The following KIAA1958 variants were observed in gnomAD, a reference collection of about 807,000 sequenced individuals.
The protein encoded by KIAA1958 is KIAA1958.
KIAA1958 carries 14 observed loss-of-function variants against 47.2 expected under a neutral mutation model. That is an observed-to-expected ratio of 0.30 (90% CI 0.20 to 0.46). KIAA1958 has a LOEUF of 0.46. Ranked by LOEUF, KIAA1958 falls within the 20% of genes least tolerant of loss-of-function variation. The probability of loss-of-function intolerance (pLI) is 1.00; values close to 1 mark genes in which losing one functional copy is unlikely to be tolerated. For missense variants in KIAA1958, 803 were observed against 909.2 expected, an observed-to-expected ratio of 0.88 and a Z score of 1.50; for synonymous variants, 354 against 353.3, an observed-to-expected ratio of 1.00 and a Z score of -0.02.
At position 112,618,599 on chromosome 9, in the gene KIAA1958, G is replaced by A. The variant is rs1836446002; in HGVS notation, c.1172-27051G>A. On this transcript the variant is annotated intron_variant, in intron 2 of 3. Coordinates refer to ENST00000337530, the MANE Select transcript of KIAA1958 (RefSeq NM_133465.4). The surrounding 1 kb of genome is among the most constrained non-coding windows in gnomAD (Gnocchi z 7.1). ...GCGGCGGCCTCCCGCCATGCGCTAC[G>A]AGGATGCCCCTTTCTACTTATCCAT... The A allele has an allele frequency of 3.2e-6, 5 of 1,550,652 alleles. No homozygotes were observed. The highest frequency in any genetic ancestry group is 4.4e-6 in the Non-Finnish European group (5 of 1,146,996).
chr9:112,586,511 T>C (rs1383900955), intron 2 of KIAA1958, among the ~76,000 whole-genome samples: 1 of 152,224 alleles, frequency 6.6e-6, no homozygotes, highest in Non-Finnish European at 1.5e-5. Context: ...TTTAAAATGC[T>C]TGCAAATCCT....
chr9:112,640,113 A>G (rs1190737619), intron 2 of KIAA1958, among the ~76,000 whole-genome samples: 2 of 152,206 alleles, frequency 1.3e-5, no homozygotes, highest in South Asian at 2.1e-4. Flanking sequence ...TTAACTTGCT[A>G]TTGAATGCTG....
At chr9:112,649,848 A>T (rs1425356409) in intron 3 of KIAA1958, among the ~76,000 whole-genome samples, 2 of 152,174 alleles carry the variant, frequency 1.3e-5, no homozygotes, top group African/African-American at 4.8e-5. Context: ...GAAAAATGTT[A>T]AAGGAAGTCC....
chr9:112,542,496 ACTACT>A (rs1216629032), intron 1 of KIAA1958, among the ~76,000 whole-genome samples: 19 of 152,230 alleles, frequency 1.2e-4, no homozygotes, highest in Non-Finnish European at 1.9e-4. Context: ...TGAAGACTAA[ACTACT>A]CTACAACTCT....
chr9:112,509,097 T>G (rs1486838745), intron 1 of KIAA1958, among the ~76,000 whole-genome samples: 3 of 152,052 alleles, frequency 2.0e-5, no homozygotes, highest in Non-Finnish European at 2.9e-5. Context: ...TTTTTTTTTT[T>G]GTCAGTGTTA....
chr9:112,591,777 T>C (rs60925342), intron 2 of KIAA1958, among the ~76,000 whole-genome samples: 17,942 of 152,196 alleles, frequency 0.12, 1,428 homozygotes, highest in East Asian at 0.19. Flanking sequence ...CCTGTGGTCC[T>C]AGCTTCTTTG....
chr9:112,582,823 A>T (rs998151430), intron 2 of KIAA1958, among the ~76,000 whole-genome samples: 1 of 152,002 alleles, frequency 6.6e-6, no homozygotes, highest in Admixed American at 6.6e-5. Context: ...CATGCTTCCT[A>T]TGAAGGGCGG....
chr9:112,509,382 A>G (rs1834286299), intron 1 of KIAA1958, among the ~76,000 whole-genome samples: 1 of 151,814 alleles, frequency 6.6e-6, no homozygotes, highest in Admixed American at 6.6e-5. Context: ...TGTATTTTTA[A>G]TAGAGGTGGG....
intron 2 of KIAA1958, among the ~76,000 whole-genome samples, chr9:112,632,927 AAAAG>A (rs752930053): frequency 2.6e-5 from 4 of 151,750 alleles, no homozygotes; most frequent in South Asian, 2.1e-4. Context: ...TTTTTTTAAA[AAAAG>A]AGCCATTTAG....
intron 1 of KIAA1958, among the ~76,000 whole-genome samples, chr9:112,504,310 C>T (rs1331097073): frequency 6.6e-6 from 1 of 151,990 alleles, no homozygotes; most frequent in East Asian, 1.9e-4. Flanking sequence ...CCTCAGCCTC[C>T]CGAGTAGCTG....
intron 1 of KIAA1958, among the ~76,000 whole-genome samples, chr9:112,572,545 G>T (rs1226622495): frequency 6.6e-6 from 1 of 152,166 alleles, no homozygotes; most frequent in Non-Finnish European, 1.5e-5. Flanking sequence ...AATCCCTTGA[G>T]ATGATACAGG....
intron 2 of KIAA1958, among the ~76,000 whole-genome samples, chr9:112,638,118 C>A (rs1173390118): frequency 1.3e-5 from 2 of 152,140 alleles, no homozygotes; most frequent in African/African-American, 2.4e-5. Context: ...CACTGCACTC[C>A]AGCCTGGGCA....
At chr9:112,564,716 A>G (rs1835398585) in intron 1 of KIAA1958, among the ~76,000 whole-genome samples, 1 of 152,242 alleles carries the variant, frequency 6.6e-6, no homozygotes, top group African/African-American at 2.4e-5. Flanking sequence ...ATAAATCAAA[A>G]TGTACTTACA....
intron 1 of KIAA1958, among the ~76,000 whole-genome samples, chr9:112,529,750 A>C (rs1459507265): frequency 3.9e-5 from 6 of 152,156 alleles, no homozygotes; most frequent in Non-Finnish European, 8.8e-5. Flanking sequence ...TGTCAGGCTT[A>C]AAAGTACTCT....
chr9:112,620,007 A>AT (rs760233711), intron 2 of KIAA1958, among the ~76,000 whole-genome samples: 3 of 152,186 alleles, frequency 2.0e-5, no homozygotes, highest in Admixed American at 6.6e-5. Context: ...AGGTAACAAT[A>AT]TTTTGTTACC....
rs150774767 is a variant in KIAA1958 at position 112,669,220 on chromosome 9, A to AT, written c.*9160dup. The AT allele has an allele frequency of 0.04, 6,066 of 151,440 alleles. 176 individuals are homozygous for AT. The highest frequency in any genetic ancestry group is 0.12 in the East Asian group (613 of 5,146). 9.4% of individuals were successfully genotyped at this position (151,440 alleles called of 1,614,324 possible). ...TCCTAGAGTGTCAGCGTTGGAAGGG[A>AT]TTTTTTTTTGTTCCTCCAGTCCGGC... On this transcript the variant is annotated 3_prime_UTR_variant, in exon 4 of 4. Coordinates refer to ENST00000337530, the MANE Select transcript of KIAA1958 (RefSeq NM_133465.4).
At chr9:112,540,370 A>G (rs550302690) in intron 1 of KIAA1958, among the ~76,000 whole-genome samples, 4 of 152,356 alleles carry the variant, frequency 2.6e-5, no homozygotes, top group African/African-American at 7.2e-5. Flanking sequence ...AATTACATAT[A>G]TACACATATG....
rs115053815 is a variant in KIAA1958, at chr9:112,543,282, C to T, written c.-24-30775C>T. Among the ~76,000 whole-genome samples, 438 of 152,128 alleles carry T rather than the reference C, an allele frequency of 2.9e-3. 3 individuals are homozygous for T. The highest frequency in any genetic ancestry group is 0.01 in the African/African-American group (417 of 41,500). On this transcript the variant is annotated intron_variant, in intron 1 of 3. Transcript: ENST00000337530. ...GCAGCAGTAAAACACATTGTGGGTG[C>T]ACATTTTTTGGAAAAACCAGAAGTT...
rs1837225179 is a variant in KIAA1958, at chr9:112,659,579, C to T, written c.1661C>T (p.Thr554Ile). The T allele has an allele frequency of 6.2e-7, 1 of 1,613,292 alleles. No homozygotes were observed. Among genetic ancestry groups the T allele is most frequent in the South Asian group, 1.1e-5 (1 of 90,938 alleles). Residue 554 changes from threonine to isoleucine, a missense_variant, in exon 4 of 4, where the codon ACT becomes ATT. Coordinates refer to ENST00000337530, the MANE Select transcript of KIAA1958 (RefSeq NM_133465.4). ...TGTCTGGGGGATGACAGCCCTATCA[C>T]TCTCCTGTCCACTGTGGTCAAGTAC... ...AGCLGDDSPITLLSTVVKYNS... is the reference protein window; with the variant it reads ...AGCLGDDSPIILLSTVVKYNS...
Sources: allele counts gnomAD v4.1 joint callset (sites outside exome capture counted in the v4.1 genomes callset), GRCh38; gene constraint gnomAD v4.1.1; non-coding constraint Gnocchi (gnomAD v3.1); transcripts MANE v1.5; gene names NCBI Gene and HGNC (gene_info 2026-07-23, HGNC 2026-07-21).